MAST2: variants seen among roughly 807,000 people sequenced by gnomAD.
MAST2 encodes the protein microtubule-associated serine/threonine-protein kinase 2.
Under a neutral mutation model 147.4 loss-of-function variants are expected in MAST2, and 70 were observed. That is an observed-to-expected ratio of 0.47 (90% CI 0.39 to 0.58). The LOEUF (loss-of-function observed/expected upper bound fraction) is 0.58. Ranked by LOEUF, MAST2 falls within the 20% of genes least tolerant of loss-of-function variation. The pLI, the probability that MAST2 is intolerant of heterozygous loss-of-function variation, is 0.00. For synonymous variants in MAST2, 869 were observed against 896.8 expected, an observed-to-expected ratio of 0.97 and a Z score of 0.55; for missense variants, 2,080 against 2,302.3, an observed-to-expected ratio of 0.90 and a Z score of 1.98.
intron 3 of MAST2, among the ~76,000 whole-genome samples, chr1:45,859,342 C>T (rs373877344): frequency 2.6e-5 from 4 of 152,266 alleles, no homozygotes; most frequent in South Asian, 2.1e-4. Flanking sequence ...TCAAGTGATC[C>T]GCCAGCCTTT....
At chr1:45,939,980 GTTTTTTTT>G (rs1174123217) in intron 4 of MAST2, among the ~76,000 whole-genome samples, 3 of 97,286 alleles carry the variant, frequency 3.1e-5, no homozygotes, top group Admixed American at 1.3e-4. Context: ...TTTATTTAGG[GTTTTTTTT>G]TTTTTTTTTT....
rs372804000 is a variant in MAST2, at chr1:45,977,253, C to T, written c.592+17776C>T. 5.5e-4 allele frequency among the ~76,000 whole-genome samples: 84 copies of T among 152,288 alleles called. No homozygotes were observed. The East Asian group carries it at 0.013, about 24-fold the overall frequency. Reference sequence around the variant, plus strand: ...CTGTATTCCCAGCACTTTGGGAGGCCAAGGCGGGTGGATCACCTGAGGTCA... The same window carrying T: ...CTGTATTCCCAGCACTTTGGGAGGCTAAGGCGGGTGGATCACCTGAGGTCA... On this transcript the variant is annotated intron_variant, in intron 5 of 28. Coordinates refer to ENST00000361297, the MANE Select transcript of MAST2 (RefSeq NM_015112.3).
intron 4 of MAST2, among the ~76,000 whole-genome samples, chr1:45,951,122 C>G (rs536054296): frequency 2.0e-5 from 3 of 151,758 alleles, no homozygotes; most frequent in African/African-American, 7.3e-5. Context: ...ACTTGGGAGG[C>G]TGAGGTGAGG....
At chr1:45,833,102 A>G (rs1218796199) in intron 3 of MAST2, among the ~76,000 whole-genome samples, 1 of 152,162 alleles carries the variant, frequency 6.6e-6, no homozygotes, top group African/African-American at 2.4e-5. Context: ...AGATTCATCC[A>G]TGTTGCAGCA....
At chr1:46,003,079 A>G (rs1326397748) in intron 7 of MAST2, among the ~76,000 whole-genome samples, 196 bp downstream of exon 7, 1 of 152,172 alleles carries the variant, frequency 6.6e-6, no homozygotes, top group Non-Finnish European at 1.5e-5. Flanking sequence ...TGCCTTCGGA[A>G]AGGATGACCA....
intron 1 of MAST2, among the ~76,000 whole-genome samples, chr1:45,810,001 T>G (rs1231948384): frequency 6.6e-6 from 1 of 152,260 alleles, no homozygotes; most frequent in Non-Finnish European, 1.5e-5. Context: ...CTTTCAACTT[T>G]CTGTGTTCAT....
At chr1:45,882,981 T>G (rs1347738668) in intron 4 of MAST2, among the ~76,000 whole-genome samples, 1 of 152,184 alleles carries the variant, frequency 6.6e-6, no homozygotes, top group Non-Finnish European at 1.5e-5. Flanking sequence ...GGGGCAGTAT[T>G]AGAAATTTGG....
intron 18 of MAST2, chr1:46,029,162 T>C (rs1014152411): frequency 1.8e-6 from 1 of 563,842 alleles, no homozygotes; most frequent in African/African-American, 1.9e-5. Context: ...GTCTCTCATA[T>C]ACACCTGGGT....
intron 3 of MAST2, among the ~76,000 whole-genome samples, chr1:45,867,536 T>C (rs1175819023): frequency 6.6e-6 from 1 of 152,186 alleles, no homozygotes; most frequent in Non-Finnish European, 1.5e-5. Context: ...ACAGCCAAAT[T>C]TCATTTCATT....
At chr1:46,022,755 A>G (rs1391647757) in intron 12 of MAST2, among the ~76,000 whole-genome samples, 155 bp from the exon 13 acceptor site, 1 of 152,252 alleles carries the variant, frequency 6.6e-6, no homozygotes, top group African/African-American at 2.4e-5. Flanking sequence ...AGCTGGGACT[A>G]CATTGGGTAT....
At chr1:46,002,190 A>G (rs922828334) in intron 6 of MAST2, among the ~76,000 whole-genome samples, 5 of 152,116 alleles carry the variant, frequency 3.3e-5, no homozygotes, top group Admixed American at 2.0e-4. Context: ...GCCTCCCCCA[A>G]AGTCTCATAT....
intron 3 of MAST2, among the ~76,000 whole-genome samples, chr1:45,864,740 T>A (rs1172025523): frequency 1.3e-5 from 2 of 152,206 alleles, no homozygotes; most frequent in African/African-American, 4.8e-5. Context: ...TAAACCTTTT[T>A]AATAAGCAGC....
At chr1:46,009,468 CTGTGGTCTGTGCT>C (rs1645625984) in intron 9 of MAST2, among the ~76,000 whole-genome samples, 1 of 152,220 alleles carries the variant, frequency 6.6e-6, no homozygotes. Context: ...AACCTGTGCC[CTGTGGTCTGTGCT>C]TTCCAGCTTT....
rs549964718 is a variant in MAST2 at position 45,951,492 on chromosome 1, A to T, written c.501-7894A>T. On this transcript the variant is annotated intron_variant, in intron 4 of 28. Transcript: ENST00000361297. Reference sequence around the variant, plus strand: ...CAGCTACCCTGGAGGCTGAGGTGGGAGGATCACCTGAGCCCAGGAAATAGA... The same window carrying T: ...CAGCTACCCTGGAGGCTGAGGTGGGTGGATCACCTGAGCCCAGGAAATAGA... 6.6e-5 allele frequency among the ~76,000 whole-genome samples: 10 copies of T among 152,234 alleles called. No homozygotes were observed. In the East Asian group the frequency reaches 1.4e-3, roughly 21 times the overall value.
chr1:45,869,003 A>G (rs1167241829), intron 3 of MAST2, among the ~76,000 whole-genome samples: 1 of 152,176 alleles, frequency 6.6e-6, no homozygotes, highest in Non-Finnish European at 1.5e-5. Context: ...AGGTTAAGGA[A>G]TTTATCTCAC....
chr1:45,831,754 T>C (rs1229375798), intron 3 of MAST2, among the ~76,000 whole-genome samples: 3 of 150,868 alleles, frequency 2.0e-5, no homozygotes, highest in Admixed American at 1.3e-4. Context: ...AACTACAATA[T>C]ATGACCAGAT....
intron 7 of MAST2, 113 bp downstream of exon 7, chr1:46,002,996 G>T: frequency 9.4e-7 from 1 of 1,064,466 alleles, no homozygotes; most frequent in Non-Finnish European, 1.4e-6. Flanking sequence ...CAAACTCAGA[G>T]AGGTTGCTGA....
chr1:45,826,958 A>G (rs1644811910), intron 2 of MAST2, among the ~76,000 whole-genome samples: 1 of 151,748 alleles, frequency 6.6e-6, no homozygotes. Flanking sequence ...CCTCCCAAGT[A>G]GCTGGGACTA....
intron 3 of MAST2, among the ~76,000 whole-genome samples, chr1:45,845,212 A>C (rs570561682): frequency 9.2e-5 from 14 of 152,298 alleles, no homozygotes; most frequent in African/African-American, 2.9e-4. Context: ...AGTTTTTGGT[A>C]AGGTGTCATA....
Sources: gnomAD v4.1 joint callset for allele counts (sites outside exome capture counted in the v4.1 genomes callset) on GRCh38, gnomAD v4.1.1 for gene constraint, MANE v1.5 for transcripts, NCBI Gene and HGNC (gene_info 2026-07-23, HGNC 2026-07-21) for gene names.